KIF13A: variants seen among roughly 807,000 people sequenced by gnomAD.
KIF13A encodes kinesin-like protein KIF13A.
Under a neutral mutation model 212.2 loss-of-function variants are expected in KIF13A, and 79 were observed. The ratio of observed to expected loss-of-function variants is 0.37; its 90% CI spans 0.31 to 0.45. The LOEUF is 0.45. Among genes scored for constraint, KIF13A ranks in the 20% least tolerant of loss-of-function variants. KIF13A has a pLI of 1.00. For missense variants in KIF13A, 1,901 were observed against 2,209.0 expected (o/e 0.86, Z 2.79); for synonymous variants, 789 against 808.6 (o/e 0.98, Z 0.41).
Position 17,898,525 on chromosome 6 carries a change from C to T in KIF13A, c.147-345G>A, listed in dbSNP as rs1164150478. Among the ~76,000 whole-genome samples the T allele has an allele frequency of 6.6e-6, 1 of 152,090 alleles. No individual in the cohort carries two copies. The highest frequency in any genetic ancestry group is 1.5e-5 in the Non-Finnish European group (1 of 68,016). On this transcript the variant is annotated intron_variant, in intron 2 of 38. Transcript: ENST00000259711. This position sits in a 1 kb window ranked among gnomAD's most constrained non-coding sequence, Gnocchi z 5.2. Reference sequence around the variant, plus strand: ...AAGAAAGATGCCACAATCCTTACTGCATGTGATTAAATATTTTTAAATCAA... The same window carrying T: ...AAGAAAGATGCCACAATCCTTACTGTATGTGATTAAATATTTTTAAATCAA...
rs1302795878 is a variant in KIF13A, at chr6:17,834,007, G to A, written c.1220C>T (p.Thr407Ile). ...TCTCAGCTTCTCTTCCCAAGTCACT[G>A]TTAGTTCTTTTATCAGCTTTTCAGA... ...EESEKLIKEL[T>I]VTWEEKLRKT... Residue 407 changes from threonine to isoleucine, a missense_variant, in exon 12 of 39, where the codon ACA (threonine) becomes ATA (isoleucine). By Grantham distance (89) the Thr-to-Ile change is moderately conservative (BLOSUM62 -1). This residue lies in a region of KIF13A where 506 missense variants were observed against 637.4 expected (regional missense o/e 0.79). Transcript: ENST00000259711. The surrounding 1 kb of genome is among the most constrained non-coding windows in gnomAD (Gnocchi z 4.0). The A allele has an allele frequency of 4.4e-6, 7 of 1,604,150 alleles. No individual in the cohort carries two copies. The highest frequency in any genetic ancestry group is 5.9e-6 in the Non-Finnish European group (7 of 1,177,760).
At chr6:17,830,329 G>C (rs1214343194) in intron 13 of KIF13A, among the ~76,000 whole-genome samples, 3 of 152,200 alleles carry the variant, frequency 2.0e-5, no homozygotes, top group African/African-American at 7.2e-5. Flanking sequence ...GACATGTAAT[G>C]ATGTTATAGC....
chr6:17,831,994 T>C (rs767343078), intron 12 of KIF13A, among the ~76,000 whole-genome samples: 112 of 152,176 alleles, frequency 7.4e-4, no homozygotes, highest in African/African-American at 2.4e-3. Context: ...ATATGGTACA[T>C]AGAATTTCCA....
rs766908797 is a variant in KIF13A at position 17,968,557 on chromosome 6, C to T, written c.146+18497G>A. ...ACTTTGCCTAGGATAGAATTCTCTTCCACTAGTTACCTGCATAGAATCTGC... is the reference window on the plus strand; with the variant it reads ...ACTTTGCCTAGGATAGAATTCTCTTTCACTAGTTACCTGCATAGAATCTGC... On this transcript the variant is annotated intron_variant, in intron 2 of 38. Transcript: ENST00000259711. This position sits in a 1 kb window ranked among gnomAD's most constrained non-coding sequence, Gnocchi z 4.7. Among the ~76,000 whole-genome samples, 5 of 152,090 alleles carry T rather than the reference C, an allele frequency of 3.3e-5. No individual in the cohort carries two copies. The highest frequency in any genetic ancestry group is 5.9e-5 in the Non-Finnish European group (4 of 68,020).
chr6:17,852,109 G>T, intron 6 of KIF13A, 67 bp from the exon 7 acceptor site: 1 of 741,408 alleles, frequency 1.3e-6, no homozygotes, highest in Non-Finnish European at 2.0e-6. Flanking sequence ...TTCTCTTTAA[G>T]TACACAGTAA....
chr6:17,857,717 G>A (rs1325000561), intron 4 of KIF13A, among the ~76,000 whole-genome samples: 5 of 152,112 alleles, frequency 3.3e-5, no homozygotes, highest in African/African-American at 1.2e-4. Context: ...GAGAATAAAC[G>A]CATACAGACA....
intron 11 of KIF13A, among the ~76,000 whole-genome samples, chr6:17,835,943 G>A (rs1435687990): frequency 2.6e-5 from 4 of 152,120 alleles, no homozygotes; most frequent in Non-Finnish European, 4.4e-5. Flanking sequence ...AGTGGTGAAG[G>A]AATGTGAACT....
intron 11 of KIF13A, among the ~76,000 whole-genome samples, chr6:17,835,113 G>A (rs558640642): frequency 3.5e-5 from 5 of 141,854 alleles, no homozygotes; most frequent in Admixed American, 7.9e-5. Context: ...TTGAACCCAG[G>A]AGACAGAGGT....
At chr6:17,858,983 G>T (rs1217395195) in intron 4 of KIF13A, among the ~76,000 whole-genome samples, 1 of 151,950 alleles carries the variant, frequency 6.6e-6, no homozygotes, top group Non-Finnish European at 1.5e-5. Context: ...TATGGCTTCT[G>T]AGAGCCTAAA....
chr6:17,835,870 TTTTC>T (rs1404277181), intron 11 of KIF13A, among the ~76,000 whole-genome samples: 2 of 149,820 alleles, frequency 1.3e-5, no homozygotes, highest in Admixed American at 6.8e-5. Flanking sequence ...TTAACTGTGT[TTTTC>T]TTTCTTTCTT....
chr6:17,973,798 C>T (rs1027500461), intron 2 of KIF13A, among the ~76,000 whole-genome samples: 3 of 152,306 alleles, frequency 2.0e-5, no homozygotes, highest in Admixed American at 6.5e-5. Flanking sequence ...TAGCCCAGAT[C>T]GGAGCCTCTG....
At chr6:17,779,741 T>C (rs1040422320) in intron 31 of KIF13A, 57 bp from the exon 32 acceptor site, 11 of 539,530 alleles carry the variant, frequency 2.0e-5, no homozygotes, top group Non-Finnish European at 3.4e-5. Flanking sequence ...AGTTATTTTG[T>C]ATTTTTTTTT....
chr6:17,766,825 A>G (rs116723985), intron 38 of KIF13A, among the ~76,000 whole-genome samples: 1,578 of 152,334 alleles, frequency 0.01, 39 homozygotes, highest in African/African-American at 0.036. Flanking sequence ...TGTTTAGATT[A>G]ATAGTAATAT....
rs1357219791 is a variant in KIF13A at position 17,772,056 on chromosome 6, C to T, written c.4328G>A (p.Cys1443Tyr). The T allele has an allele frequency of 3.1e-6, 5 of 1,613,598 alleles. No homozygotes were observed. The highest frequency in any genetic ancestry group is 4.2e-6 in the Non-Finnish European group (5 of 1,179,718). The change falls in exon 37 of 39, where the codon TGT (cysteine) becomes TAT (tyrosine). Residue 1443 changes from cysteine (C) to tyrosine (Y), a missense_variant. Around this residue, in one of 5 missense-constraint regions of KIF13A, gnomAD observed 687 missense variants for 759.1 expected, o/e 0.90. Coordinates refer to ENST00000259711, the MANE Select transcript of KIF13A (RefSeq NM_022113.6). The surrounding 1 kb of genome is among the most constrained non-coding windows in gnomAD (Gnocchi z 4.8). ...RDSPRRNKEG[C>Y]TSETPHALTV... is the part of the protein sequence containing the mutation. ...TAAGGCATGAGGAGTCTCTGATGTACAACCTAGGGAAGATGAGAAGTTATG... is the reference window on the plus strand; with the variant it reads ...TAAGGCATGAGGAGTCTCTGATGTATAACCTAGGGAAGATGAGAAGTTATG...
rs540610444 is a variant in KIF13A, at chr6:17,786,576, G to T, written c.3362-935C>A. On this transcript the variant is annotated intron_variant, in intron 27 of 38. Transcript: ENST00000259711. The surrounding 1 kb of genome is among the most constrained non-coding windows in gnomAD (Gnocchi z 5.4). ...GATCATGCCACTGCACTCCAGCCTG[G>T]GCGACAGAGGGAGACTCCATCTCAA... is the stretch of plus-strand genomic sequence containing the variant. 1.1e-4 allele frequency among the ~76,000 whole-genome samples: 17 copies of T among 152,022 alleles called. 1 individual carries two copies. In the South Asian group the frequency reaches 3.5e-3, roughly 32 times the overall value.
intron 22 of KIF13A, among the ~76,000 whole-genome samples, chr6:17,797,954 T>C (rs1762185596): frequency 6.6e-6 from 1 of 152,072 alleles, no homozygotes; most frequent in South Asian, 2.1e-4. Flanking sequence ...CTGAACTGAC[T>C]GAGATGGGTG....
intron 2 of KIF13A, among the ~76,000 whole-genome samples, chr6:17,983,714 C>T (rs748814463): frequency 6.6e-6 from 1 of 152,050 alleles, no homozygotes; most frequent in Non-Finnish European, 1.5e-5. Flanking sequence ...TCTCAAACTC[C>T]TGGCCTCAAG....
chr6:17,843,105 T>G lies in KIF13A; in HGVS notation c.831-5522A>C, dbSNP rs962486430. The stretch of plus-strand genomic sequence containing the variant: ...TCTGCTTTTCTATTTAGATTGTGAT[T>G]ACCTTGAAGGCAGACGGTGTAATTT... On this transcript the variant is annotated intron_variant, in intron 9 of 38. Coordinates refer to ENST00000259711, the MANE Select transcript of KIF13A (RefSeq NM_022113.6). The surrounding 1 kb of genome is among the most constrained non-coding windows in gnomAD (Gnocchi z 5.3). Among the ~76,000 whole-genome samples, 2 of 152,220 alleles carry G rather than the reference T, an allele frequency of 1.3e-5. No homozygotes were observed. The highest frequency in any genetic ancestry group is 4.8e-5 in the African/African-American group (2 of 41,454).
chr6:17,932,212 A>T (rs1776043600), intron 2 of KIF13A, among the ~76,000 whole-genome samples: 1 of 152,222 alleles, frequency 6.6e-6, no homozygotes, highest in South Asian at 2.1e-4. Flanking sequence ...TATGGTAGAC[A>T]TACTGTTTAA....
Sources: gnomAD v4.1 joint callset for allele counts (sites outside exome capture counted in the v4.1 genomes callset) on GRCh38, gnomAD v4.1.1 for gene constraint, gnomAD v4.1.1 regional missense constraint, Gnocchi (gnomAD v3.1) non-coding constraint, MANE v1.5 for transcripts, NCBI Gene and HGNC (gene_info 2026-07-23, HGNC 2026-07-21) for gene names.